SCAF8: variants seen among roughly 807,000 people sequenced by gnomAD.
SCAF8 encodes the protein SR-related and CTD-associated factor 8.
SCAF8 carries 23 observed loss-of-function variants against 140.5 expected under a neutral mutation model. The observed-to-expected ratio is 0.16, with a 90% CI of 0.12 to 0.23. The LOEUF (loss-of-function observed/expected upper bound fraction) is 0.23. Among genes scored for constraint, SCAF8 ranks in the 10% least tolerant of loss-of-function variants. The probability of loss-of-function intolerance (pLI) is 1.00; values close to 1 mark genes in which losing one functional copy is unlikely to be tolerated. For synonymous variants in SCAF8, 575 were observed against 528.9 expected (o/e 1.09, Z -1.20); for missense variants, 1,397 against 1,555.7 (o/e 0.90, Z 1.72).
intron 12 of SCAF8, among the ~76,000 whole-genome samples, chr6:154,811,773 G>C (rs1343266634): frequency 6.6e-6 from 1 of 150,856 alleles, no homozygotes; most frequent in African/African-American, 2.4e-5. Flanking sequence ...TCACCTATGA[G>C]TGAGAACATG....
Position 154,832,154 on chromosome 6 carries a change from C to G in SCAF8, c.2575C>G (p.Pro859Ala). 1 of 1,614,022 alleles carries G rather than the reference C, an allele frequency of 6.2e-7. No homozygotes were observed. Among genetic ancestry groups the G allele is most frequent in the Non-Finnish European group, 8.5e-7 (1 of 1,179,960 alleles). The change falls in exon 20 of 20, where the codon CCA becomes GCA. Residue 859 changes from proline to alanine, a missense_variant. Transcript: ENST00000367178. ...TAACTCTGGAATATTGGGAATACAG[C>G]CACCCAGTGTGTCAAATAGTTCTGG... ...LNNSGILGIQ[P>A]PSVSNSSGLL...
chr6:154,759,360 T>C (rs1042123632), intron 1 of SCAF8, among the ~76,000 whole-genome samples: 9 of 152,218 alleles, frequency 5.9e-5, no homozygotes, highest in African/African-American at 2.2e-4. Context: ...AGGGGAGAGT[T>C]GATTACAATT....
chr6:154,808,762 G>C lies in SCAF8; in HGVS notation c.1190G>C (p.Arg397Pro). 6.2e-7 allele frequency: 1 copy of C among 1,613,468 alleles called. No homozygotes were observed. Among genetic ancestry groups the C allele is most frequent in the Non-Finnish European group, 8.5e-7 (1 of 1,179,574 alleles). Residue 397 changes from arginine (R) to proline (P), a missense_variant, in exon 11 of 20, where the codon CGC becomes CCC. Physicochemically the swap from Arg to Pro is moderately radical, Grantham distance 103. Coordinates refer to ENST00000367178, the MANE Select transcript of SCAF8 (RefSeq NM_014892.5). ...CAAGAAGCTAAGAAAGTGGCGGTTCGCTCAAGATCAAGAACACATTCACGA... is the reference window on the plus strand; with the variant it reads ...CAAGAAGCTAAGAAAGTGGCGGTTCCCTCAAGATCAAGAACACATTCACGA... The part of the protein sequence containing the change: ...FEQEAKKVAV[R>P]SRSRTHSRSR...
At position 154,833,144 on chromosome 6, in the gene SCAF8, C is replaced by G. The variant is rs1316649882; in HGVS notation, c.3565C>G (p.Pro1189Ala). The G allele has an allele frequency of 1.9e-6, 3 of 1,613,944 alleles. No individual in the cohort carries two copies. In the African/African-American group the frequency reaches 4.0e-5, roughly 22 times the overall value. The change falls in exon 20 of 20, where the codon CCC becomes GCC. Residue 1189 changes from proline (P) to alanine (A), a missense_variant. By Grantham distance (27) the Pro-to-Ala change is conservative. Coordinates refer to ENST00000367178, the MANE Select transcript of SCAF8 (RefSeq NM_014892.5). ...AGACAGAATTCAAAACACTTGGGTT[C>G]CCCCTCCTCATGCTCGGGTTTTTGA... ...GRDRIQNTWV[P>A]PPHARVFDYF...
intron 5 of SCAF8, among the ~76,000 whole-genome samples, chr6:154,793,887 A>G (rs2114881683): frequency 7.5e-6 from 1 of 134,002 alleles, no homozygotes; most frequent in East Asian, 2.4e-4. Flanking sequence ...GCATTTCATA[A>G]TTTTGTATGT....
intron 14 of SCAF8, among the ~76,000 whole-genome samples, 161 bp downstream of exon 14, chr6:154,818,753 C>T (rs1435512321): frequency 6.6e-6 from 1 of 152,136 alleles, no homozygotes; most frequent in East Asian, 1.9e-4. Flanking sequence ...GGACAAACCT[C>T]ATCAGAAACT....
Position 154,733,639 on chromosome 6 carries a change from GC to G in SCAF8, c.-260del. 1.9e-5 allele frequency: 21 copies of G among 1,102,946 alleles called. No homozygotes were observed. Among genetic ancestry groups the G allele is most frequent in the Non-Finnish European group, 2.2e-5 (20 of 893,762 alleles). 68.3% of individuals were successfully genotyped at this position (1,102,946 alleles called of 1,614,324 possible). ...CGGCCCAGCCCCTCCCCCGCCCGCCGCCGACCCGCCCCGGCAGCGCCTCTGT... is the reference window on the plus strand; with the variant it reads ...CGGCCCAGCCCCTCCCCCGCCCGCCGCGACCCGCCCCGGCAGCGCCTCTGT... On this transcript the variant is annotated 5_prime_UTR_variant, in exon 1 of 20. Coordinates refer to ENST00000367178, the MANE Select transcript of SCAF8 (RefSeq NM_014892.5).
chr6:154,747,896 CTGTGTGTGTGTGTGTGTGTG>C lies in SCAF8; in HGVS notation c.30+13988_30+14007del, dbSNP rs71021073. On this transcript the variant is annotated intron_variant, in intron 1 of 19. Transcript: ENST00000367178. ...CCTTCATGGAGTTTACATTTCATTT[CTGTGTGTGTGTGTGTGTGTG>C]TGTGTGTGTGTGTGTGTGTGTACTA... Among the ~76,000 whole-genome samples the C allele has an allele frequency of 6.9e-5, 10 of 144,734 alleles. No homozygotes were observed. The East Asian group carries it at 1.4e-3, about 21-fold the overall frequency. The allele number at this position is 144,734 out of a possible 152,430, so 95.0% of individuals were successfully genotyped here.
chr6:154,734,046 G>A, intron 1 of SCAF8, 116 bp downstream of exon 1: 1 of 1,392,718 alleles, frequency 7.2e-7, no homozygotes, highest in Non-Finnish European at 9.3e-7. Context: ...GGGGTGAGCG[G>A]TGGCCTAGCA....
Position 154,824,208 on chromosome 6 carries a change from T to G in SCAF8, c.1927-26T>G, listed in dbSNP as rs1186811174. ...AGATGCAGGTGAATAAACTGATGAGTGAACTTTTTTGTCTATCCACAAAAG... is the reference window on the plus strand; with the variant it reads ...AGATGCAGGTGAATAAACTGATGAGGGAACTTTTTTGTCTATCCACAAAAG... On this transcript the variant is annotated intron_variant, in intron 16 of 19. Transcript: ENST00000367178. 4 of 1,609,814 alleles carry G rather than the reference T, an allele frequency of 2.5e-6. No individual in the cohort carries two copies. In the African/African-American group the frequency reaches 5.4e-5, roughly 22 times the overall value.
intron 8 of SCAF8, among the ~76,000 whole-genome samples, chr6:154,804,570 C>G (rs1777860989): frequency 6.6e-6 from 1 of 152,124 alleles, no homozygotes; most frequent in Admixed American, 6.5e-5. Flanking sequence ...TATTAATATA[C>G]ACTGACCCAT....
At chr6:154,743,170 A>G (rs954270897) in intron 1 of SCAF8, among the ~76,000 whole-genome samples, 1 of 152,190 alleles carries the variant, frequency 6.6e-6, no homozygotes, top group Non-Finnish European at 1.5e-5. Flanking sequence ...CGTTCTTAGC[A>G]TTTTGCCTCT....
chr6:154,792,788 A>G (rs747732264), intron 4 of SCAF8, 35 bp from the exon 5 acceptor site: 1 of 1,527,492 alleles, frequency 6.5e-7, no homozygotes, highest in Non-Finnish European at 8.9e-7. Context: ...TTTTGAGAGT[A>G]AAAACCAAAA....
intron 17 of SCAF8, among the ~76,000 whole-genome samples, chr6:154,825,693 C>G (rs1041335654): frequency 2.6e-4 from 38 of 145,380 alleles, no homozygotes; most frequent in African/African-American, 9.5e-4. Context: ...ATTATTAGAC[C>G]ATGGGAGGTT....
At chr6:154,801,360 C>T (rs1429815668) in intron 6 of SCAF8, among the ~76,000 whole-genome samples, 1 of 151,322 alleles carries the variant, frequency 6.6e-6, no homozygotes. Context: ...TTAACTCAGG[C>T]TTATAACCAG....
At chr6:154,767,936 CTCTCTTTTGCTTTAAGGATCACA>C (rs1055271028) in intron 1 of SCAF8, among the ~76,000 whole-genome samples, 2 of 152,132 alleles carry the variant, frequency 1.3e-5, no homozygotes, top group Non-Finnish European at 2.9e-5. Flanking sequence ...GATCTGTCAC[CTCTCTTTTGCTTTAAGGATCACA>C]TAATGACTTA....
chr6:154,829,859 AT>A (rs1778681486), intron 18 of SCAF8, among the ~76,000 whole-genome samples: 1 of 152,226 alleles, frequency 6.6e-6, no homozygotes, highest in Non-Finnish European at 1.5e-5. Context: ...GTGAGCCGAG[AT>A]CACGCTACTG....
At chr6:154,822,866 C>T (rs891820528) in intron 16 of SCAF8, among the ~76,000 whole-genome samples, 2 of 152,186 alleles carry the variant, frequency 1.3e-5, no homozygotes, top group African/African-American at 2.4e-5. Flanking sequence ...CCCCAGAAAT[C>T]TCTGCCCTTT....
At chr6:154,751,177 T>A (rs1362919223) in intron 1 of SCAF8, among the ~76,000 whole-genome samples, 1 of 152,210 alleles carries the variant, frequency 6.6e-6, no homozygotes, top group Non-Finnish European at 1.5e-5. Context: ...GTTGTGGTTC[T>A]GTAACTGGGT....
Sources: allele counts gnomAD v4.1 joint callset (sites outside exome capture counted in the v4.1 genomes callset), GRCh38; gene constraint gnomAD v4.1.1; transcripts MANE v1.5; gene names NCBI Gene and HGNC (gene_info 2026-07-23, HGNC 2026-07-21).